SV2B: variants seen among roughly 807,000 people sequenced by gnomAD.
The protein encoded by SV2B is synaptic vesicle glycoprotein 2B, also known as solute carrier family 22 member B2.
In SV2B, 41 loss-of-function variants were observed where a neutral mutation model predicts 73.9. The observed-to-expected ratio is 0.56, with a 90% CI of 0.43 to 0.72. The LOEUF is 0.72. Ranked by LOEUF, SV2B falls within the 30% of genes least tolerant of loss-of-function variation. The pLI, the probability that SV2B is intolerant of heterozygous loss-of-function variation, is 0.00. For missense variants in SV2B, 764 were observed against 857.8 expected, an observed-to-expected ratio of 0.89 and a Z score of 1.37; for synonymous variants, 314 against 314.2, an observed-to-expected ratio of 1.00 and a Z score of 0.01.
rs1473861878 is a variant in SV2B at position 91,300,008 on chromosome 15, AAAC to A, written c.*7459_*7461del. 6.6e-6 allele frequency: 1 copy of A among 150,396 alleles called. No homozygotes were observed. The allele number at this position is 150,396 out of a possible 1,614,324, so 9.3% of individuals were successfully genotyped here. A position where few individuals can be genotyped will look rare whatever the true frequency, so the allele number is the denominator to read the frequency against. On this transcript the variant is annotated 3_prime_UTR_variant, in exon 13 of 13. Coordinates refer to ENST00000394232, the MANE Select transcript of SV2B (RefSeq NM_001323032.3). ...GATATTTTTGACATGTAAAAGTAGA[AAAC>A]AAACCATCCATAGTGTGTGCATATA...
At chr15:91,185,491 C>G (rs1344105064) in intron 1 of SV2B, among the ~76,000 whole-genome samples, 1 of 152,110 alleles carries the variant, frequency 6.6e-6, no homozygotes, top group Admixed American at 6.6e-5. Flanking sequence ...GGGTCCTGGT[C>G]TTGTTGTCCA....
rs536751199 is a variant in SV2B, at chr15:91,153,125, G to A, written c.-392+52762G>A. 2.0e-5 allele frequency among the ~76,000 whole-genome samples: 3 copies of A among 152,278 alleles called. 1 individual carries two copies. Among genetic ancestry groups the A allele is most frequent in the Admixed American group, 2.0e-4 (3 of 15,302 alleles). On this transcript the variant is annotated intron_variant, in intron 1 of 12. Coordinates refer to ENST00000394232, the MANE Select transcript of SV2B (RefSeq NM_001323032.3). Reference sequence around the variant, plus strand: ...CCTTATATGGCAGGGGAGATGGAGGGATCAGGCAGCTCTCTGAAGCCTCTT... The same window carrying A: ...CCTTATATGGCAGGGGAGATGGAGGAATCAGGCAGCTCTCTGAAGCCTCTT...
Position 91,124,011 on chromosome 15 carries a change from A to C in SV2B, c.-392+23648A>C, listed in dbSNP as rs1201172342. On this transcript the variant is annotated intron_variant, in intron 1 of 12. Coordinates refer to ENST00000394232, the MANE Select transcript of SV2B (RefSeq NM_001323032.3). This position sits in a 1 kb window ranked among gnomAD's most constrained non-coding sequence, Gnocchi z 4.6. ...TATTCAGCTTGCAAGCTGCTAGTTC[A>C]CAGACAGGCTTGAAATCCCTCAGAA... Among the ~76,000 whole-genome samples, 1 of 152,174 alleles carries C rather than the reference A, an allele frequency of 6.6e-6. No individual in the cohort carries two copies. Among genetic ancestry groups the C allele is most frequent in the Non-Finnish European group, 1.5e-5 (1 of 68,020 alleles).
intron 1 of SV2B, among the ~76,000 whole-genome samples, chr15:91,208,790 G>A (rs1442495580): frequency 6.6e-6 from 1 of 152,264 alleles, no homozygotes; most frequent in South Asian, 2.1e-4. Flanking sequence ...ACCCAGCTGG[G>A]TGGCTCACTC....
In SV2B at chr15:91,265,374, A is replaced by G. The variant is rs745576923; in HGVS notation, c.1009-1208A>G. Among the ~76,000 whole-genome samples the G allele has an allele frequency of 1.3e-3, 204 of 152,254 alleles. 1 individual carries two copies. Among genetic ancestry groups the G allele is most frequent in the Admixed American group, 1.8e-3 (28 of 15,290 alleles). On this transcript the variant is annotated intron_variant, in intron 6 of 12. Coordinates refer to ENST00000394232, the MANE Select transcript of SV2B (RefSeq NM_001323032.3). This position sits in a 1 kb window ranked among gnomAD's most constrained non-coding sequence, Gnocchi z 4.2. ...GCCATATTCTAATTTAGACTGAATC[A>G]TAGACAATTGTTCTAATGAATCGTA...
At chr15:91,109,850 C>T (rs2041990133) in intron 1 of SV2B, among the ~76,000 whole-genome samples, 1 of 152,176 alleles carries the variant, frequency 6.6e-6, no homozygotes, top group Non-Finnish European at 1.5e-5. Context: ...ATCCTCTCAC[C>T]TCAGCCTCCC....
At position 91,253,659 on chromosome 15, in the gene SV2B, C is replaced by T. The variant is rs554693517; in HGVS notation, c.784+1139C>T. On this transcript the variant is annotated intron_variant, in intron 4 of 12. Transcript: ENST00000394232. This position sits in a 1 kb window ranked among gnomAD's most constrained non-coding sequence, Gnocchi z 5.0. ...TTTAGACTCCTTCCATTGTGTCATT[C>T]TGTCATCTTCAACCTACAGCTTACA... Among the ~76,000 whole-genome samples, 1 of 152,248 alleles carries T rather than the reference C, an allele frequency of 6.6e-6. No homozygotes were observed. Among genetic ancestry groups the T allele is most frequent in the Non-Finnish European group, 1.5e-5 (1 of 68,038 alleles).
chr15:91,156,419 G>A (rs1169066585), intron 1 of SV2B, among the ~76,000 whole-genome samples: 1 of 152,182 alleles, frequency 6.6e-6, no homozygotes, highest in Non-Finnish European at 1.5e-5. Flanking sequence ...GTGTGACTCA[G>A]CCAACCGAAA....
intron 1 of SV2B, among the ~76,000 whole-genome samples, chr15:91,199,917 G>C (rs763186320): frequency 6.6e-6 from 1 of 152,196 alleles, no homozygotes; most frequent in African/African-American, 2.4e-5. Flanking sequence ...GCTGTGTGAG[G>C]CTGGGCCTGC....
Position 91,223,159 on chromosome 15 carries a change from C to G in SV2B, c.-391-2714C>G, listed in dbSNP as rs140752637. Among the ~76,000 whole-genome samples, 2 of 152,166 alleles carry G rather than the reference C, an allele frequency of 1.3e-5. No individual in the cohort carries two copies. The highest frequency in any genetic ancestry group is 3.9e-4 in the East Asian group (2 of 5,176). ...TCTCTGTGTCCTTTTGTGAAGACAC[C>G]AGTCATATTGGATTAGGAGCCATCC... On this transcript the variant is annotated intron_variant, in intron 1 of 12. Transcript: ENST00000394232. This position sits in a 1 kb window ranked among gnomAD's most constrained non-coding sequence, Gnocchi z 4.6.
rs765131761 is a variant in SV2B at position 91,252,331 on chromosome 15, T to G, written c.633-38T>G. ...TTCTGCTGTGACCATTTTTAGTGTATGACTTGATTCTTTCTCTCTGGCATT... is the reference window on the plus strand; with the variant it reads ...TTCTGCTGTGACCATTTTTAGTGTAGGACTTGATTCTTTCTCTCTGGCATT... On this transcript the variant is annotated intron_variant, in intron 3 of 12. Transcript: ENST00000394232. The surrounding 1 kb of genome is among the most constrained non-coding windows in gnomAD (Gnocchi z 4.6). 3.8e-6 allele frequency: 6 copies of G among 1,576,622 alleles called. No individual in the cohort carries two copies. Among genetic ancestry groups the G allele is most frequent in the Non-Finnish European group, 8.6e-7 (1 of 1,159,560 alleles).
rs1204107944 is a variant in SV2B, at chr15:91,242,646, G to A, written c.452-9173G>A. On this transcript the variant is annotated intron_variant, in intron 2 of 12. Transcript: ENST00000394232. The surrounding 1 kb of genome is among the most constrained non-coding windows in gnomAD (Gnocchi z 4.9). Reference sequence around the variant, plus strand: ...GACTCTGAGGTGGGAGAGAGCATAGGACATCAGTATCCAGGGGTTGCTTAA... The same window carrying A: ...GACTCTGAGGTGGGAGAGAGCATAGAACATCAGTATCCAGGGGTTGCTTAA... Among the ~76,000 whole-genome samples the A allele has an allele frequency of 6.6e-6, 1 of 152,168 alleles. No homozygotes were observed. Among genetic ancestry groups the A allele is most frequent in the African/African-American group, 2.4e-5 (1 of 41,436 alleles).
At chr15:91,177,247 C>T (rs1037004270) in intron 1 of SV2B, among the ~76,000 whole-genome samples, 1 of 151,970 alleles carries the variant, frequency 6.6e-6, no homozygotes, top group Non-Finnish European at 1.5e-5. Flanking sequence ...TTCCATTGAT[C>T]TATATCTCTG....
chr15:91,107,463 C>T (rs1219555521), intron 1 of SV2B, among the ~76,000 whole-genome samples: 19 of 152,030 alleles, frequency 1.2e-4, no homozygotes, highest in Admixed American at 1.0e-3. Flanking sequence ...CAGGCACGTG[C>T]CACCACGCCC....
rs146665422 is a variant in SV2B, at chr15:91,279,645, G to A, written c.1374-2083G>A. ...GAGAGACATTTTAAGGGCTGCCTGC[G>A]TCAGACCCATTTATGATTTATGGCT... On this transcript the variant is annotated intron_variant, in intron 9 of 12. Coordinates refer to ENST00000394232, the MANE Select transcript of SV2B (RefSeq NM_001323032.3). Among the ~76,000 whole-genome samples the A allele has an allele frequency of 7.6e-4, 116 of 152,240 alleles. 2 individuals are homozygous for A. The highest frequency in any genetic ancestry group is 2.3e-3 in the African/African-American group (96 of 41,518).
chr15:91,171,079 G>A (rs1449047093), intron 1 of SV2B, among the ~76,000 whole-genome samples: 1 of 152,138 alleles, frequency 6.6e-6, no homozygotes, highest in Non-Finnish European at 1.5e-5. Context: ...GCTGGTTAGT[G>A]GCAAAACCAG....
chr15:91,292,630 G>C lies in SV2B; in HGVS notation c.*78G>C. ...TGCATCCACACTTCCTGCCTATCAC[G>C]GTCCGGAGGACACCTTGGATAGCAC... On this transcript the variant is annotated 3_prime_UTR_variant, in exon 13 of 13. Coordinates refer to ENST00000394232, the MANE Select transcript of SV2B (RefSeq NM_001323032.3). 1.3e-6 allele frequency: 2 copies of C among 1,509,224 alleles called. No individual in the cohort carries two copies. Among genetic ancestry groups the C allele is most frequent in the Non-Finnish European group, 1.8e-6 (2 of 1,126,054 alleles). 93.5% of individuals were successfully genotyped at this position (1,509,224 alleles called of 1,614,324 possible). A position where few individuals can be genotyped will look rare whatever the true frequency, so the allele number is the denominator to read the frequency against.
At chr15:91,135,558 A>T (rs1596460964) in intron 1 of SV2B, among the ~76,000 whole-genome samples, 1 of 152,190 alleles carries the variant, frequency 6.6e-6, no homozygotes, top group African/African-American at 2.4e-5. Context: ...TCAGGCTTGG[A>T]GGGATAAGTC....
At chr15:91,138,626 C>T (rs2042913153) in intron 1 of SV2B, among the ~76,000 whole-genome samples, 1 of 151,768 alleles carries the variant, frequency 6.6e-6, no homozygotes, top group African/African-American at 2.4e-5. Context: ...GTAATTATTC[C>T]CAAAACAATA....
Sources: gnomAD v4.1 joint callset for allele counts (sites outside exome capture counted in the v4.1 genomes callset) on GRCh38, gnomAD v4.1.1 for gene constraint, Gnocchi (gnomAD v3.1) non-coding constraint, MANE v1.5 for transcripts, NCBI Gene and HGNC (gene_info 2026-07-23, HGNC 2026-07-21) for gene names.